The following KCND3 variants were observed in gnomAD, a reference collection of about 807,000 sequenced individuals.
KCND3 encodes potassium voltage-gated channel subfamily D member 3, also known as A-type voltage-gated potassium channel KCND3.
Under a neutral mutation model 51.1 loss-of-function variants are expected in KCND3, and 9 were observed. That is an observed-to-expected ratio of 0.18 (90% CI 0.11 to 0.31). The LOEUF is 0.31. Among genes scored for constraint, KCND3 ranks in the 10% least tolerant of loss-of-function variants. KCND3 has a pLI of 1.00. For synonymous variants in KCND3, 349 were observed against 368.0 expected (o/e 0.95, Z 0.59); for missense variants, 526 against 903.8 (o/e 0.58, Z 5.36).
At chr1:111,789,047 G>T (rs965452304) in intron 2 of KCND3, among the ~76,000 whole-genome samples, 1 of 152,182 alleles carries the variant, frequency 6.6e-6, no homozygotes, top group African/African-American at 2.4e-5. Flanking sequence ...CACCTTAGCT[G>T]GGATTTTCAG....
chr1:111,862,459 A>G (rs529328881), intron 2 of KCND3, among the ~76,000 whole-genome samples: 121 of 152,358 alleles, frequency 7.9e-4, no homozygotes, highest in Non-Finnish European at 1.5e-3. Context: ...AAACTATGCA[A>G]TGGGGCCACT....
chr1:111,951,146 G>A lies in KCND3; in HGVS notation c.1106+30475C>T, dbSNP rs572262103. Among the ~76,000 whole-genome samples the A allele has an allele frequency of 1.2e-3, 114 of 94,322 alleles. 1 individual carries two copies. Among genetic ancestry groups the A allele is most frequent in the Non-Finnish European group, 1.0e-3 (55 of 52,436 alleles). 61.9% of individuals were successfully genotyped at this position (94,322 alleles called of 152,430 possible). On this transcript the variant is annotated intron_variant, in intron 2 of 7. Transcript: ENST00000302127. ...GATCACGCCATTGCACTCCAGCCTG[G>A]CAAACAAGAGCAAAAAAAAAAAAAA...
intron 3 of KCND3, 62 bp downstream of exon 3, chr1:111,786,882 C>G: frequency 6.2e-7 from 1 of 1,600,370 alleles, no homozygotes; most frequent in Non-Finnish European, 8.5e-7. Flanking sequence ...AGTCCTGGCT[C>G]CCTGACTGGT....
chr1:111,852,146 A>C (rs1354327157), intron 2 of KCND3, among the ~76,000 whole-genome samples: 1 of 152,232 alleles, frequency 6.6e-6, no homozygotes, highest in East Asian at 1.9e-4. Context: ...AATATTAATC[A>C]GGTGCCTACT....
chr1:111,923,732 G>C (rs564433020), intron 2 of KCND3, among the ~76,000 whole-genome samples: 1 of 152,188 alleles, frequency 6.6e-6, no homozygotes, highest in South Asian at 2.1e-4. Context: ...CTGCTACCTC[G>C]TCTGAAGCTC....
At chr1:111,858,963 A>C (rs2492595) in intron 2 of KCND3, among the ~76,000 whole-genome samples, 143,389 of 152,306 alleles carry the variant, frequency 0.94, 67,557 homozygotes, top group East Asian at 1. Context: ...TCAAATGTCA[A>C]CTTGTCATTT....
intron 2 of KCND3, among the ~76,000 whole-genome samples, chr1:111,803,531 C>G (rs894084403): frequency 1.3e-5 from 2 of 152,176 alleles, no homozygotes; most frequent in African/African-American, 4.8e-5. Flanking sequence ...GGACACATCA[C>G]TTTCTCCTCA....
chr1:111,864,428 C>A (rs1295978786), intron 2 of KCND3, among the ~76,000 whole-genome samples: 1 of 152,174 alleles, frequency 6.6e-6, no homozygotes, highest in Admixed American at 6.5e-5. Context: ...TCATTCATTT[C>A]TCGCTCACTC....
In KCND3 at chr1:111,982,308, T is replaced by C. The variant is rs1674999829; in HGVS notation, c.419A>G (p.Lys140Arg). The change falls in exon 2 of 8, where the codon AAG becomes AGG. Residue 140 changes from lysine (K) to arginine (R), a missense_variant. Lys to Arg is a conservative substitution (Grantham distance 26, BLOSUM62 2). Transcript: ENST00000302127. The surrounding 1 kb of genome is among the most constrained non-coding windows in gnomAD (Gnocchi z 8.5). ...CATGAGCCGCTCGGCGTTCTCCCTC[T>C]TGCGGTCCTTGTACTCCTCGTAGCA... ...DCCYEEYKDR[K>R]RENAERLMDD... is the part of the protein sequence containing the mutation. The C allele has an allele frequency of 6.2e-7, 1 of 1,614,006 alleles. No homozygotes were observed. The highest frequency in any genetic ancestry group is 1.3e-5 in the African/African-American group (1 of 74,916).
intron 2 of KCND3, among the ~76,000 whole-genome samples, chr1:111,882,576 G>C (rs1669382683): frequency 6.6e-6 from 1 of 152,242 alleles, no homozygotes; most frequent in Non-Finnish European, 1.5e-5. Context: ...GTGAAGGCTG[G>C]GGCCCAGGCC....
chr1:111,775,981 G>T lies in KCND3; in HGVS notation c.*96C>A. 1.5e-6 allele frequency: 2 copies of T among 1,326,698 alleles called. No individual in the cohort carries two copies. Among genetic ancestry groups the T allele is most frequent in the Admixed American group, 1.7e-5 (1 of 57,716 alleles). 82.2% of individuals were successfully genotyped at this position (1,326,698 alleles called of 1,614,324 possible). On this transcript the variant is annotated 3_prime_UTR_variant, in exon 8 of 8. Transcript: ENST00000302127. The stretch of plus-strand genomic sequence containing the variant: ...GTACAATGGGGCAGGCAGAAATAGT[G>T]GGGAAAGGGGGGAGGGAGTGGTCTC...
chr1:111,807,686 AATAAG>A (rs1198496414), intron 2 of KCND3, among the ~76,000 whole-genome samples: 1 of 152,220 alleles, frequency 6.6e-6, no homozygotes, highest in Non-Finnish European at 1.5e-5. Context: ...AAAAAAATAA[AATAAG>A]ATAACATGCT....
At chr1:111,808,663 C>T (rs943719248) in intron 2 of KCND3, among the ~76,000 whole-genome samples, 4 of 152,196 alleles carry the variant, frequency 2.6e-5, no homozygotes, top group African/African-American at 9.7e-5. Flanking sequence ...GCCTTGCTCT[C>T]CTCTGTTATT....
chr1:111,864,098 C>T lies in KCND3; in HGVS notation c.1107-76992G>A, dbSNP rs561341781. On this transcript the variant is annotated intron_variant, in intron 2 of 7. Transcript: ENST00000302127. ...GGGTTTACATAATGATCACAATTTC[C>T]ATTTTGGTCATGTTGAGGGTGGCTG... 3.1e-4 allele frequency among the ~76,000 whole-genome samples: 47 copies of T among 151,842 alleles called. No homozygotes were observed. In the South Asian group the frequency reaches 4.4e-3, roughly 14 times the overall value.
At chr1:111,843,473 T>TAA (rs1667417706) in intron 2 of KCND3, among the ~76,000 whole-genome samples, 1 of 152,210 alleles carries the variant, frequency 6.6e-6, no homozygotes, top group African/African-American at 2.4e-5. Flanking sequence ...CAAGGAGAGC[T>TAA]AAAAACAAAG....
chr1:111,878,001 G>A (rs1221904332), intron 2 of KCND3, among the ~76,000 whole-genome samples: 3 of 152,178 alleles, frequency 2.0e-5, no homozygotes. Flanking sequence ...GAGTTGGTGT[G>A]TTATTATTCT....
intron 2 of KCND3, among the ~76,000 whole-genome samples, chr1:111,847,171 A>G (rs879651182): frequency 6.6e-6 from 1 of 152,208 alleles, no homozygotes; most frequent in East Asian, 1.9e-4. Context: ...AGGCGGGAAG[A>G]TGCTCTCCAG....
chr1:111,845,041 A>G (rs1667485022), intron 2 of KCND3, among the ~76,000 whole-genome samples: 1 of 152,092 alleles, frequency 6.6e-6, no homozygotes, highest in Non-Finnish European at 1.5e-5. Flanking sequence ...GTCCACGTGC[A>G]TTCTCTCGGC....
At chr1:111,835,503 C>G (rs1372154343) in intron 2 of KCND3, among the ~76,000 whole-genome samples, 1 of 152,054 alleles carries the variant, frequency 6.6e-6, no homozygotes, top group Non-Finnish European at 1.5e-5. Context: ...TCACAAAGAC[C>G]CTGCTGATAA....
Sources: gnomAD v4.1 joint callset for allele counts (sites outside exome capture counted in the v4.1 genomes callset) on GRCh38, gnomAD v4.1.1 for gene constraint, Gnocchi (gnomAD v3.1) non-coding constraint, MANE v1.5 for transcripts, NCBI Gene and HGNC (gene_info 2026-07-23, HGNC 2026-07-21) for gene names.